Variants in NEBL observed in about 807,000 individuals in gnomAD.
NEBL encodes the protein nebulette.
In NEBL, 122 loss-of-function variants were observed where a neutral mutation model predicts 140.2. The observed-to-expected ratio is 0.87, with a 90% CI of 0.75 to 1.01. The LOEUF (loss-of-function observed/expected upper bound fraction) is 1.01. NEBL is among the 50% of genes least tolerant of loss of function. The probability of loss-of-function intolerance (pLI) is 0.00; values close to 1 mark genes in which losing one functional copy is unlikely to be tolerated. For synonymous variants in NEBL, 436 were observed against 398.9 expected, an observed-to-expected ratio of 1.09 and a Z score of -1.11; for missense variants, 1,365 against 1,231.3, an observed-to-expected ratio of 1.11 and a Z score of -1.62.
chr10:20,951,087 T>C (rs974712251), intron 4 of NEBL, among the ~76,000 whole-genome samples: 2 of 152,122 alleles, frequency 1.3e-5, no homozygotes, highest in African/African-American at 2.4e-5. Context: ...CTGGGCAATA[T>C]AGGCAAACCT....
chr10:21,181,644 G>C (rs1180503321), intron 3 of NEBL, among the ~76,000 whole-genome samples: 1 of 152,152 alleles, frequency 6.6e-6, no homozygotes. Flanking sequence ...AGCTTCTTGC[G>C]ACACCACGTG....
chr10:20,907,427 T>C (rs536389772), intron 4 of NEBL, among the ~76,000 whole-genome samples: 1 of 152,294 alleles, frequency 6.6e-6, no homozygotes, highest in East Asian at 1.9e-4. Context: ...CACCCTCTAA[T>C]TTTCTGTCTG....
At chr10:21,048,583 A>G (rs779766840) in intron 2 of NEBL, among the ~76,000 whole-genome samples, 11 of 152,202 alleles carry the variant, frequency 7.2e-5, no homozygotes, top group Non-Finnish European at 1.5e-4. Flanking sequence ...AACAGAATCA[A>G]TAAGAGGGAG....
In NEBL at chr10:20,869,835, A is replaced by G; in HGVS notation, c.487T>C (p.Tyr163His). The G allele has an allele frequency of 1.2e-6, 2 of 1,605,466 alleles. No individual in the cohort carries two copies. Among genetic ancestry groups the G allele is most frequent in the Non-Finnish European group, 1.7e-6 (2 of 1,172,230 alleles). Residue 163 changes from tyrosine to histidine, a missense_variant, in exon 6 of 28, where the codon TAT becomes CAT. Around this residue, in one of 2 missense-constraint regions of NEBL, gnomAD observed 1,323 missense variants for 1,154.8 expected, o/e 1.15. Coordinates refer to ENST00000377122, the MANE Select transcript of NEBL (RefSeq NM_006393.3). ...EVNKHQSNIS[Y>H]RKDVQDTHTY... ...TGGGTGTCCTGCACGTCTTTCCTAT[A>G]AGAAATCTGATCAGAGACAGTTTTG...
At chr10:20,796,814 G>A (rs1476472793) in intron 26 of NEBL, among the ~76,000 whole-genome samples, 2 of 152,052 alleles carry the variant, frequency 1.3e-5, no homozygotes, top group Non-Finnish European at 1.5e-5. Context: ...TTGTCGGTGA[G>A]GGAAAAGAAA....
intron 2 of NEBL, among the ~76,000 whole-genome samples, chr10:21,031,805 A>G (rs1037165707): frequency 6.6e-6 from 1 of 152,184 alleles, no homozygotes; most frequent in Non-Finnish European, 1.5e-5. Context: ...CACTTCTTCC[A>G]GGACAGAGTA....
chr10:20,900,290 C>T (rs1847805122), upstream of NEBL, among the ~76,000 whole-genome samples: 1 of 152,236 alleles, frequency 6.6e-6, no homozygotes, highest in African/African-American at 2.4e-5. Flanking sequence ...CCAGGTCTGG[C>T]TCTGCCATGT....
At chr10:21,271,446 G>A (rs975968458) in intron 1 of NEBL, among the ~76,000 whole-genome samples, 3 of 151,948 alleles carry the variant, frequency 2.0e-5, no homozygotes, top group African/African-American at 4.8e-5. Context: ...AACATATTCC[G>A]GGTTTCATGT....
chr10:21,277,208 C>CTTTT (rs1260862410), intron 1 of NEBL, among the ~76,000 whole-genome samples: 9 of 133,558 alleles, frequency 6.7e-5, no homozygotes, highest in East Asian at 4.2e-4. Flanking sequence ...ATATTTCTTT[C>CTTTT]TTTTTTTTTT....
intron 2 of NEBL, among the ~76,000 whole-genome samples, chr10:21,083,084 A>G (rs1836460862): frequency 6.6e-6 from 1 of 152,174 alleles, no homozygotes; most frequent in Admixed American, 6.5e-5. Flanking sequence ...TTCTTTGGTG[A>G]CTGTTTCATT....
rs752038850 is a variant in NEBL at position 20,888,223 on chromosome 10, A to C, written c.259-16T>G. ...TGTATTTTGCCTGGGGGAAAAAAAA[A>C]CAGGAAAAAAATAAATAAATAAACT... On this transcript the variant is annotated splice_polypyrimidine_tract_variant and intron_variant, in intron 3 of 27. Coordinates refer to ENST00000377122, the MANE Select transcript of NEBL (RefSeq NM_006393.3). 6 of 1,410,976 alleles carry C rather than the reference A, an allele frequency of 4.3e-6. No individual in the cohort carries two copies. The highest frequency in any genetic ancestry group is 2.4e-5 in the South Asian group (2 of 84,150). 87.4% of individuals were successfully genotyped at this position (1,410,976 alleles called of 1,614,324 possible). A position where few individuals can be genotyped will look rare whatever the true frequency, so the allele number is the denominator to read the frequency against.
At chr10:21,128,229 A>T (rs575251919) in intron 2 of NEBL, among the ~76,000 whole-genome samples, 1 of 152,320 alleles carries the variant, frequency 6.6e-6, no homozygotes, top group South Asian at 2.1e-4. Flanking sequence ...TTAGTAAGAC[A>T]TGTATGTTTG....
chr10:20,841,018 TC>T (rs754101280), intron 12 of NEBL, among the ~76,000 whole-genome samples, 169 bp from the exon 13 acceptor site: 28 of 152,210 alleles, frequency 1.8e-4, no homozygotes, highest in Middle Eastern at 3.4e-3. Context: ...CATTTTCCCC[TC>T]TACCAAGTTC....
chr10:20,799,949 G>GTC (rs397966743), intron 26 of NEBL, among the ~76,000 whole-genome samples: 5 of 150,870 alleles, frequency 3.3e-5, no homozygotes, highest in Non-Finnish European at 5.9e-5. Flanking sequence ...GTGTGTGTGT[G>GTC]AGACGGAGAA....
chr10:20,806,933 C>T (rs766124843), intron 26 of NEBL, among the ~76,000 whole-genome samples: 27 of 152,098 alleles, frequency 1.8e-4, no homozygotes, highest in Admixed American at 5.2e-4. Flanking sequence ...CTTGTATTTG[C>T]TTTGGGTTTT....
chr10:21,030,099 C>A, intron 2 of NEBL: 1 of 475,298 alleles, frequency 2.1e-6, no homozygotes, highest in Non-Finnish European at 4.1e-6. Flanking sequence ...TTTGGAGGGG[C>A]AAAGCCCGTT....
At chr10:20,798,668 G>A (rs1275289209) in intron 26 of NEBL, among the ~76,000 whole-genome samples, 2 of 152,170 alleles carry the variant, frequency 1.3e-5, no homozygotes, top group Admixed American at 6.5e-5. Flanking sequence ...ACACATGCTA[G>A]AGCCACATTT....
chr10:21,000,937 G>C (rs1837868735), intron 3 of NEBL, among the ~76,000 whole-genome samples: 1 of 152,184 alleles, frequency 6.6e-6, no homozygotes, highest in African/African-American at 2.4e-5. Flanking sequence ...AGCCCAGATA[G>C]AGCTGGAGAG....
chr10:20,977,101 TG>T (rs2131650714), intron 3 of NEBL, among the ~76,000 whole-genome samples: 1 of 152,250 alleles, frequency 6.6e-6, no homozygotes, highest in East Asian at 1.9e-4. Flanking sequence ...CCAGTCCAGG[TG>T]TTTTTATCAG....
Sources: gnomAD v4.1 joint callset for allele counts (sites outside exome capture counted in the v4.1 genomes callset) on GRCh38, gnomAD v4.1.1 for gene constraint, gnomAD v4.1.1 regional missense constraint, MANE v1.5 for transcripts, NCBI Gene and HGNC (gene_info 2026-07-23, HGNC 2026-07-21) for gene names.